The following SFMBT2 variants were observed in gnomAD, a reference collection of about 807,000 sequenced individuals.
SFMBT2 encodes the protein scm-like with four MBT domains protein 2.
In SFMBT2, 38 loss-of-function variants were observed where a neutral mutation model predicts 110.1. The observed-to-expected ratio is 0.35, with a 90% CI of 0.27 to 0.45. SFMBT2 has a LOEUF of 0.45. SFMBT2 is among the 20% of genes least tolerant of loss of function. SFMBT2 has a pLI of 1.00. For missense variants in SFMBT2, 1,011 were observed against 1,094.9 expected, an observed-to-expected ratio of 0.92 and a Z score of 1.08; for synonymous variants, 425 against 425.4, an observed-to-expected ratio of 1.00 and a Z score of 0.01.
At chr10:7,201,882 G>T (rs1048605129) in intron 13 of SFMBT2, among the ~76,000 whole-genome samples, 1 of 152,158 alleles carries the variant, frequency 6.6e-6, no homozygotes, top group African/African-American at 2.4e-5. Context: ...TGGGGGACAG[G>T]GCATAATCTG....
intron 4 of SFMBT2, among the ~76,000 whole-genome samples, chr10:7,317,583 G>C (rs1016728044): frequency 2.7e-5 from 4 of 146,258 alleles, no homozygotes; most frequent in African/African-American, 1.0e-4. Flanking sequence ...GGAGGTTGCG[G>C]TGAGCGAAGA....
At chr10:7,263,880 C>A (rs1841298107) in intron 7 of SFMBT2, among the ~76,000 whole-genome samples, 1 of 152,204 alleles carries the variant, frequency 6.6e-6, no homozygotes, top group Non-Finnish European at 1.5e-5. Flanking sequence ...GCTTCTCTCT[C>A]TTGGCCACAT....
rs1336602926 is a variant in SFMBT2 at position 7,399,885 on chromosome 10, G to A, written c.-52+10976C>T. On this transcript the variant is annotated intron_variant, in intron 1 of 20. Coordinates refer to ENST00000397167, the MANE Select transcript of SFMBT2 (RefSeq NM_001387889.1). ...TTAAAACCAAGAGGATGTGGTAGGAGGAAACAATAGAGCATCCACTAGGAT... is the reference window on the plus strand; with the variant it reads ...TTAAAACCAAGAGGATGTGGTAGGAAGAAACAATAGAGCATCCACTAGGAT... Among the ~76,000 whole-genome samples, 4 of 152,230 alleles carry A rather than the reference G, an allele frequency of 2.6e-5. No individual in the cohort carries two copies. The East Asian group carries it at 7.7e-4, about 29-fold the overall frequency.
intron 1 of SFMBT2, among the ~76,000 whole-genome samples, chr10:7,398,021 C>T (rs1401036251): frequency 6.6e-6 from 1 of 152,218 alleles, no homozygotes; most frequent in Non-Finnish European, 1.5e-5. Flanking sequence ...GCAATTTACT[C>T]ACCATTTTTC....
intron 7 of SFMBT2, among the ~76,000 whole-genome samples, chr10:7,265,639 C>T (rs959218428): frequency 2.6e-5 from 4 of 152,184 alleles, no homozygotes; most frequent in Non-Finnish European, 4.4e-5. Flanking sequence ...AAAGTGCCAT[C>T]CTTAGTTGTA....
chr10:7,409,495 C>T (rs916497429), intron 1 of SFMBT2, among the ~76,000 whole-genome samples: 7 of 152,138 alleles, frequency 4.6e-5, no homozygotes, highest in African/African-American at 1.7e-4. Flanking sequence ...TTGACACACA[C>T]ACCCAAAAAA....
chr10:7,185,030 C>T (rs764617818), intron 16 of SFMBT2, among the ~76,000 whole-genome samples: 34 of 152,086 alleles, frequency 2.2e-4, no homozygotes, highest in Non-Finnish European at 4.3e-4. Flanking sequence ...CTTAGGACAC[C>T]CAAACTCCTC....
intron 1 of SFMBT2, among the ~76,000 whole-genome samples, chr10:7,404,192 C>T (rs1846153614): frequency 1.3e-5 from 2 of 152,208 alleles, no homozygotes; most frequent in South Asian, 2.1e-4. Flanking sequence ...AATCCTTTCA[C>T]TGCTAAATCT....
intron 12 of SFMBT2, chr10:7,203,757 C>T (rs1839034622): frequency 1.4e-6 from 1 of 731,962 alleles, no homozygotes; most frequent in Non-Finnish European, 1.7e-6. Flanking sequence ...GCTCTGTCAC[C>T]CAGGCTGGAG....
chr10:7,200,860 T>C (rs1838932436), intron 13 of SFMBT2: 1 of 204,728 alleles, frequency 4.9e-6, no homozygotes, highest in Non-Finnish European at 8.6e-6. Flanking sequence ...ACTTTTCCAC[T>C]TCGATGTCTA....
chr10:7,402,584 A>C (rs2132126247), intron 1 of SFMBT2, among the ~76,000 whole-genome samples: 1 of 152,290 alleles, frequency 6.6e-6, no homozygotes, highest in East Asian at 1.9e-4. Context: ...CAATTTGGCA[A>C]AATTTGACTT....
chr10:7,197,911 C>T lies in SFMBT2; in HGVS notation c.1559-224G>A, dbSNP rs1838830306. 7.6e-6 allele frequency: 7 copies of T among 925,586 alleles called. No individual in the cohort carries two copies. In the South Asian group the frequency reaches 3.0e-4, roughly 40 times the overall value. The allele number at this position is 925,586 out of a possible 1,614,324, so 57.3% of individuals were successfully genotyped here. A position where few individuals can be genotyped will look rare whatever the true frequency, so the allele number is the denominator to read the frequency against. The stretch of plus-strand genomic sequence containing the variant: ...AGAACTGTAATTAGGAGGCCACACT[C>T]TAGTTCCAAATCGTGACAAAGCAGC... On this transcript the variant is annotated intron_variant, in intron 14 of 20. Coordinates refer to ENST00000397167, the MANE Select transcript of SFMBT2 (RefSeq NM_001387889.1).
intron 2 of SFMBT2, among the ~76,000 whole-genome samples, chr10:7,377,807 G>T (rs138666257): frequency 5.9e-5 from 9 of 152,172 alleles, no homozygotes; most frequent in Admixed American, 5.9e-4. Context: ...AGCCCAGTTC[G>T]TAACAGCCCA....
At chr10:7,350,592 G>T (rs1339793315) in intron 4 of SFMBT2, among the ~76,000 whole-genome samples, 1 of 152,156 alleles carries the variant, frequency 6.6e-6, no homozygotes, top group Admixed American at 6.5e-5. Context: ...TGTGTAGCTT[G>T]TCATTGCTCC....
At chr10:7,272,979 G>C (rs1841644981) in intron 7 of SFMBT2, among the ~76,000 whole-genome samples, 1 of 152,148 alleles carries the variant, frequency 6.6e-6, no homozygotes, top group Non-Finnish European at 1.5e-5. Context: ...ATTTTTAGTA[G>C]AGACAGGGTT....
intron 1 of SFMBT2, among the ~76,000 whole-genome samples, chr10:7,400,816 G>A (rs1006166736): frequency 1.3e-5 from 2 of 152,204 alleles, no homozygotes; most frequent in African/African-American, 2.4e-5. Context: ...GATCTCACCT[G>A]CCACAGAGCA....
chr10:7,258,253 C>G (rs1564408802), intron 7 of SFMBT2, among the ~76,000 whole-genome samples: 4 of 152,180 alleles, frequency 2.6e-5, no homozygotes, highest in African/African-American at 9.7e-5. Context: ...CATTCTTAAC[C>G]TGAGTTCCAC....
chr10:7,200,908 C>A, intron 13 of SFMBT2: 1 of 717,286 alleles, frequency 1.4e-6, no homozygotes, highest in Non-Finnish European at 1.7e-6. Flanking sequence ...GATTTCTGAC[C>A]TCCGGGCCCG....
At chr10:7,311,495 C>A (rs1842856561) in intron 4 of SFMBT2, among the ~76,000 whole-genome samples, 1 of 152,162 alleles carries the variant, frequency 6.6e-6, no homozygotes. Flanking sequence ...CATCGTCATC[C>A]AAGAGTGACT....
Sources: gnomAD v4.1 joint callset for allele counts (sites outside exome capture counted in the v4.1 genomes callset) on GRCh38, gnomAD v4.1.1 for gene constraint, MANE v1.5 for transcripts, NCBI Gene and HGNC (gene_info 2026-07-23, HGNC 2026-07-21) for gene names.